Variants in CCDC73 observed in about 807,000 individuals in gnomAD.
The protein encoded by CCDC73 is coiled-coil domain-containing protein 73.
A neutral mutation model predicts 116.5 loss-of-function variants in CCDC73; 95 were observed. The ratio of observed to expected loss-of-function variants is 0.82; its 90% CI spans 0.69 to 0.97. CCDC73 has a LOEUF of 0.97. CCDC73 is among the 50% of genes least tolerant of loss of function. The pLI is 0.00. For synonymous variants in CCDC73, 398 were observed against 401.3 expected (o/e 0.99, Z 0.10); for missense variants, 1,066 against 1,206.8 (o/e 0.88, Z 1.73).
chr11:32,647,652 TTC>T (rs1855790340), intron 12 of CCDC73, among the ~76,000 whole-genome samples: 1 of 152,146 alleles, frequency 6.6e-6, no homozygotes. Context: ...CTATAGTCTT[TTC>T]TCTCGGGCAG....
At chr11:32,694,341 T>C (rs910346323) in intron 6 of CCDC73, among the ~76,000 whole-genome samples, 4 of 152,114 alleles carry the variant, frequency 2.6e-5, no homozygotes, top group African/African-American at 9.7e-5. Flanking sequence ...ATAAAATACC[T>C]AGGAATCCAA....
At chr11:32,654,067 G>A in intron 10 of CCDC73, 30 bp from the exon 11 acceptor site, 1 of 1,557,930 alleles carries the variant, frequency 6.4e-7, no homozygotes, top group South Asian at 1.2e-5. Flanking sequence ...TTAAAGTTAT[G>A]ATATAAAATT....
intron 2 of CCDC73, among the ~76,000 whole-genome samples, chr11:32,731,533 C>T (rs1850077969): frequency 6.6e-6 from 1 of 152,194 alleles, no homozygotes; most frequent in Non-Finnish European, 1.5e-5. Flanking sequence ...TAACTGACAC[C>T]TCATACAGCC....
At chr11:32,742,006 G>A (rs1850192025) in intron 2 of CCDC73, among the ~76,000 whole-genome samples, 2 of 152,116 alleles carry the variant, frequency 1.3e-5, no homozygotes, top group Non-Finnish European at 2.9e-5. Flanking sequence ...TCTTATGGCT[G>A]CATAGTATTC....
At chr11:32,745,596 C>T (rs1850228844) in intron 2 of CCDC73, among the ~76,000 whole-genome samples, 1 of 152,126 alleles carries the variant, frequency 6.6e-6, no homozygotes, top group South Asian at 2.1e-4. Flanking sequence ...GTATTGGGTG[C>T]ATATATATTT....
intron 14 of CCDC73, among the ~76,000 whole-genome samples, chr11:32,628,703 C>T (rs1351667965): frequency 6.6e-6 from 1 of 152,166 alleles, no homozygotes; most frequent in Non-Finnish European, 1.5e-5. Flanking sequence ...GAAACTTTGA[C>T]ATTCTTGAAA....
chr11:32,663,096 T>C (rs1053852159), intron 9 of CCDC73, among the ~76,000 whole-genome samples: 1 of 152,206 alleles, frequency 6.6e-6, no homozygotes, highest in African/African-American at 2.4e-5. Flanking sequence ...TGTAGCCTTG[T>C]AGTATAGTTT....
chr11:32,763,052 G>T (rs190926389), intron 1 of CCDC73, among the ~76,000 whole-genome samples: 41 of 152,290 alleles, frequency 2.7e-4, no homozygotes, highest in African/African-American at 9.9e-4. Context: ...GCCTGAGGAA[G>T]GGCGCCCACC....
chr11:32,625,152 T>C lies in CCDC73; in HGVS notation c.1186-9023A>G, dbSNP rs376327645. 1.6e-4 allele frequency among the ~76,000 whole-genome samples: 24 copies of C among 152,330 alleles called. No homozygotes were observed. The East Asian group carries it at 3.9e-3, about 24-fold the overall frequency. Reference sequence around the variant, plus strand: ...GCTTGGTAGATCTTCCTCCATCCCTTTATTTTGAGCCTATGTGTGTCTCTG... The same window carrying C: ...GCTTGGTAGATCTTCCTCCATCCCTCTATTTTGAGCCTATGTGTGTCTCTG... On this transcript the variant is annotated intron_variant, in intron 14 of 17. Transcript: ENST00000335185.
chr11:32,693,783 C>T (rs2133306719), intron 6 of CCDC73, among the ~76,000 whole-genome samples: 1 of 152,346 alleles, frequency 6.6e-6, no homozygotes, highest in South Asian at 2.1e-4. Context: ...TAAACGTAAT[C>T]CATCACATAA....
intron 1 of CCDC73, among the ~76,000 whole-genome samples, chr11:32,793,119 T>C (rs1850691418): frequency 1.3e-5 from 2 of 152,208 alleles, no homozygotes; most frequent in Admixed American, 1.3e-4. Context: ...GACACTACGA[T>C]ATGAAGCCGT....
chr11:32,689,496 G>A (rs1406005040), intron 6 of CCDC73, among the ~76,000 whole-genome samples: 1 of 151,742 alleles, frequency 6.6e-6, no homozygotes, highest in African/African-American at 2.4e-5. Flanking sequence ...AAAAATAACA[G>A]AAGAATCTCA....
At chr11:32,754,136 G>GC (rs1407131523) in intron 2 of CCDC73, among the ~76,000 whole-genome samples, 4 of 152,102 alleles carry the variant, frequency 2.6e-5, no homozygotes, top group African/African-American at 9.7e-5. Flanking sequence ...CTATTCTCAT[G>GC]CATTTTTCTT....
intron 14 of CCDC73, among the ~76,000 whole-genome samples, chr11:32,624,349 A>AAAAT (rs926488345): frequency 2.0e-5 from 3 of 151,410 alleles, no homozygotes; most frequent in East Asian, 1.9e-4. Flanking sequence ...AAAAAATAAA[A>AAAAT]AAATAAATAA....
In CCDC73 at chr11:32,653,160, A is replaced by C; in HGVS notation, c.902T>G (p.Met301Arg). Residue 301 changes from methionine to arginine, a missense_variant, in exon 12 of 18, where the codon ATG (methionine) becomes AGG (arginine). By Grantham distance (91) the Met-to-Arg change is moderately conservative (BLOSUM62 -1). Coordinates refer to ENST00000335185, the MANE Select transcript of CCDC73 (RefSeq NM_001008391.4). ...LRQQIQANTEMEAELKVLKEN... is the reference protein window; with the variant it reads ...LRQQIQANTEREAELKVLKEN... Reference sequence around the variant, plus strand: ...TTTTAGCACCTTCAATTCTGCCTCCATTTCAGTATTAGCTTGAATTTGTTG... The same window carrying C: ...TTTTAGCACCTTCAATTCTGCCTCCCTTTCAGTATTAGCTTGAATTTGTTG... 6.2e-7 allele frequency: 1 copy of C among 1,611,798 alleles called. No homozygotes were observed. The highest frequency in any genetic ancestry group is 8.5e-7 in the Non-Finnish European group (1 of 1,178,916).
Position 32,602,898 on chromosome 11 carries a change from A to G in CCDC73, c.3153T>C (p.Ser1051=). The part of the protein sequence containing the change: ...QSLITNQLNK[S]ENLLSLENDN... The stretch of plus-strand genomic sequence containing the variant: ...CATTTTCTAAACTTAGTAAATTTTC[A>G]CTTTTATTTAGTTGATTCGTAATGA... The change falls in exon 18 of 18, where the codon AGT becomes AGC. Residue 1051 remains serine (S), a synonymous_variant. Coordinates refer to ENST00000335185, the MANE Select transcript of CCDC73 (RefSeq NM_001008391.4). The G allele has an allele frequency of 1.2e-6, 2 of 1,611,962 alleles. No homozygotes were observed. Among genetic ancestry groups the G allele is most frequent in the Non-Finnish European group, 8.5e-7 (1 of 1,179,238 alleles).
At chr11:32,649,939 T>A (rs1855811873) in intron 12 of CCDC73, among the ~76,000 whole-genome samples, 1 of 152,188 alleles carries the variant, frequency 6.6e-6, no homozygotes, top group Non-Finnish European at 1.5e-5. Flanking sequence ...AAATCTAGCT[T>A]CTCTATATAC....
At chr11:32,700,848 TA>T in intron 4 of CCDC73, 22 bp from the exon 5 acceptor site, 1 of 1,351,484 alleles carries the variant, frequency 7.4e-7, no homozygotes, top group Non-Finnish European at 1.0e-6. Context: ...TTTTAAAAAT[TA>T]AAATAAAGGG....
chr11:32,720,658 A>G (rs1283467110), intron 2 of CCDC73, among the ~76,000 whole-genome samples: 1 of 152,222 alleles, frequency 6.6e-6, no homozygotes, highest in Non-Finnish European at 1.5e-5. Flanking sequence ...TAGTAAGTGA[A>G]TTTAAGAAGG....
Sources: allele counts gnomAD v4.1 joint callset (sites outside exome capture counted in the v4.1 genomes callset), GRCh38; gene constraint gnomAD v4.1.1; transcripts MANE v1.5; gene names NCBI Gene and HGNC (gene_info 2026-07-23, HGNC 2026-07-21).